Variants in AQP2 observed in about 807,000 individuals in gnomAD.
AQP2 encodes the protein aquaporin 2.
Under a neutral mutation model 21.6 loss-of-function variants are expected in AQP2, and 20 were observed. The observed-to-expected ratio is 0.92, with a 90% CI of 0.65 to 1.34. The LOEUF (loss-of-function observed/expected upper bound fraction) is 1.34. Ranked by LOEUF, AQP2 falls within the 40% of genes most tolerant of loss-of-function variation. AQP2 has a pLI of 0.00. For synonymous variants in AQP2, 168 were observed against 166.9 expected, an observed-to-expected ratio of 1.01 and a Z score of -0.05; for missense variants, 325 against 363.4, an observed-to-expected ratio of 0.89 and a Z score of 0.86.
chr12:49,958,832 C>T lies in AQP2; in HGVS notation c.*3224C>T, dbSNP rs1274908342. On this transcript the variant is annotated 3_prime_UTR_variant, in exon 4 of 4. Coordinates refer to ENST00000199280, the MANE Select transcript of AQP2 (RefSeq NM_000486.6). The stretch of plus-strand genomic sequence containing the variant: ...TGGCGTTCTCCTATCTACCTTCCTT[C>T]AACTGCTCTGCATATAATAAGCACT... 6.6e-6 allele frequency: 1 copy of T among 152,248 alleles called. No individual in the cohort carries two copies. The highest frequency in any genetic ancestry group is 2.4e-5 in the African/African-American group (1 of 41,454). The allele number at this position is 152,248 out of a possible 1,614,324, so 9.4% of individuals were successfully genotyped here.
chr12:49,954,098 G>A, intron 1 of AQP2, 57 bp from the exon 2 acceptor site: 3 of 1,594,122 alleles, frequency 1.9e-6, no homozygotes, highest in Non-Finnish European at 1.7e-6. Context: ...CAGGAAGATG[G>A]AGCCAGAGAG....
chr12:49,952,336 A>T (rs1033859469), intron 1 of AQP2, among the ~76,000 whole-genome samples: 1 of 151,948 alleles, frequency 6.6e-6, no homozygotes, highest in Non-Finnish European at 1.5e-5. Flanking sequence ...TCAAACTCCT[A>T]ACCTCAAGTG....
rs751967196 is a variant in AQP2 at position 49,955,518 on chromosome 12, G to C, written c.726G>C (p.Pro242=). 2.5e-6 allele frequency: 4 copies of C among 1,612,128 alleles called. No homozygotes were observed. In the South Asian group the frequency reaches 4.4e-5, roughly 18 times the overall value. The change falls in exon 4 of 4, where the codon CCG becomes CCC. Residue 242 remains proline, a synonymous_variant. Coordinates refer to ENST00000199280, the MANE Select transcript of AQP2 (RefSeq NM_000486.6). ...TGGCAGTGCTGAAGGGCCTGGAGCC[G>C]GACACCGATTGGGAGGAGCGCGAGG... ...ERLAVLKGLE[P]DTDWEEREVR...
Position 49,955,555 on chromosome 12 carries a change from C to A in AQP2, c.763C>A (p.Gln255Lys). 2 of 1,603,222 alleles carry A rather than the reference C, an allele frequency of 1.2e-6. No individual in the cohort carries two copies. The highest frequency in any genetic ancestry group is 2.2e-5 in the South Asian group (2 of 90,090). ...GGAGGAGCGCGAGGTGCGACGGCGG[C>A]AGTCGGTGGAGCTGCACTCGCCGCA... The part of the protein sequence containing the change: ...DWEEREVRRR[Q>K]SVELHSPQSL... Residue 255 changes from glutamine to lysine, a missense_variant, in exon 4 of 4, where the codon CAG (glutamine) becomes AAG (lysine). Physicochemically the swap from Gln to Lys is moderately conservative, Grantham distance 53. Transcript: ENST00000199280.
chr12:49,951,097 C>T lies in AQP2; in HGVS notation c.267C>T (p.Tyr89=), dbSNP rs778461530. The T allele has an allele frequency of 3.5e-5, 57 of 1,609,030 alleles. No homozygotes were observed. Among genetic ancestry groups the T allele is most frequent in the Middle Eastern group, 1.6e-4 (1 of 6,070 alleles). ...TCTCCGTTCTCCGAGCCGCCTTCTA[C>T]GTGGCTGCCCAGCTGCTGGGGGCTG... ...CHVSVLRAAF[Y]VAAQLLGAVA... Residue 89 remains tyrosine (Y), a synonymous_variant, in exon 1 of 4, where the codon TAC becomes TAT. Coordinates refer to ENST00000199280, the MANE Select transcript of AQP2 (RefSeq NM_000486.6).
chr12:49,954,828 C>A lies in AQP2; in HGVS notation c.606+118C>A. On this transcript the variant is annotated intron_variant, in intron 3 of 3. Transcript: ENST00000199280. ...GCGGTACCCCAAACCCTCCACACTC[C>A]TCCTGGTCCTGGGGAGCCTTGGGTT... 2.5e-6 allele frequency: 3 copies of A among 1,182,262 alleles called. No homozygotes were observed. In the South Asian group the frequency reaches 3.7e-5, roughly 15 times the overall value. The allele number at this position is 1,182,262 out of a possible 1,614,324, so 73.2% of individuals were successfully genotyped here. A position where few individuals can be genotyped will look rare whatever the true frequency, so the allele number is the denominator to read the frequency against.
chr12:49,952,250 G>A (rs1254103589), intron 1 of AQP2, among the ~76,000 whole-genome samples: 1 of 151,900 alleles, frequency 6.6e-6, no homozygotes, highest in Non-Finnish European at 1.5e-5. Context: ...CCTCCCATGG[G>A]ATTACACGCC....
intron 1 of AQP2, among the ~76,000 whole-genome samples, chr12:49,953,937 G>T (rs758921981): frequency 6.6e-6 from 1 of 152,120 alleles, no homozygotes; most frequent in African/African-American, 2.4e-5. Context: ...TACCTCTGGC[G>T]GGGGGACCAT....
In AQP2 at chr12:49,954,641, C is replaced by G; in HGVS notation, c.537C>G (p.Thr179=). The change falls in exon 3 of 4, where the codon ACC becomes ACG. Residue 179 remains threonine, a synonymous_variant. Transcript: ENST00000199280. ...TCCTCCCACTGCAGATCCATTACAC[C>G]GGCTGCTCTATGAATCCTGCCCGCT... ...ALGHLLGIHY[T]GCSMNPARSL... The G allele has an allele frequency of 6.2e-7, 1 of 1,614,192 alleles. No homozygotes were observed. Among genetic ancestry groups the G allele is most frequent in the Non-Finnish European group, 8.5e-7 (1 of 1,180,018 alleles).
Position 49,951,176 on chromosome 12 carries a change from C to A in AQP2, c.346C>A (p.Leu116Met). 3 of 1,605,382 alleles carry A rather than the reference C, an allele frequency of 1.9e-6. No homozygotes were observed. The highest frequency in any genetic ancestry group is 2.6e-6 in the Non-Finnish European group (3 of 1,175,578). Residue 116 changes from leucine (L) to methionine (M), a missense_variant, in exon 1 of 4, where the codon CTG becomes ATG. Transcript: ENST00000199280. ...CACGCCAGCAGACATCCGCGGGGACCTGGCTGTCAATGCTGTGAGTAGCCA... is the reference window on the plus strand; with the variant it reads ...CACGCCAGCAGACATCCGCGGGGACATGGCTGTCAATGCTGTGAGTAGCCA... ...EITPADIRGD[L>M]AVNALSNSTT... is the part of the protein sequence containing the mutation.
At position 49,957,208 on chromosome 12, in the gene AQP2, A is replaced by C. The variant is rs999848112; in HGVS notation, c.*1600A>C. 1 of 152,206 alleles carries C rather than the reference A, an allele frequency of 6.6e-6. No individual in the cohort carries two copies. The highest frequency in any genetic ancestry group is 6.5e-5 in the Admixed American group (1 of 15,278). The allele number at this position is 152,206 out of a possible 1,614,324, so 9.4% of individuals were successfully genotyped here. A position where few individuals can be genotyped will look rare whatever the true frequency, so the allele number is the denominator to read the frequency against. ...CAAAGGAGAGTCCTGGGAGCCCACA[A>C]GATCCAGGCAGAAGGAGATGGGTTT... On this transcript the variant is annotated 3_prime_UTR_variant, in exon 4 of 4. Transcript: ENST00000199280.
rs104894328 is a variant in AQP2, at chr12:49,954,663, C to T, written c.559C>T (p.Arg187Cys). ...HYTGCSMNPA[R>C]SLAPAVVTGK... ...CACCGGCTGCTCTATGAATCCTGCCCGCTCCCTGGCTCCAGCTGTCGTCAC... is the reference window on the plus strand; with the variant it reads ...CACCGGCTGCTCTATGAATCCTGCCTGCTCCCTGGCTCCAGCTGTCGTCAC... The change falls in exon 3 of 4, where the codon CGC becomes TGC. Residue 187 changes from arginine (R) to cysteine (C), a missense_variant. Coordinates refer to ENST00000199280, the MANE Select transcript of AQP2 (RefSeq NM_000486.6). 3.6e-5 allele frequency: 58 copies of T among 1,614,090 alleles called. No individual in the cohort carries two copies. The highest frequency in any genetic ancestry group is 5.3e-5 in the African/African-American group (4 of 74,922).
At chr12:49,951,354 G>C (rs1947328531) in intron 1 of AQP2, among the ~76,000 whole-genome samples, 164 bp downstream of exon 1, 1 of 152,160 alleles carries the variant, frequency 6.6e-6, no homozygotes, top group Non-Finnish European at 1.5e-5. Flanking sequence ...GGAGGGTCAG[G>C]ATGAAAGGAG....
chr12:49,954,005 G>A, intron 1 of AQP2, 150 bp from the exon 2 acceptor site: 1 of 1,117,310 alleles, frequency 9.0e-7, no homozygotes, highest in Non-Finnish European at 1.3e-6. Context: ...GAAGGGATCA[G>A]TCGTTGCAGC....
At position 49,955,919 on chromosome 12, in the gene AQP2, A is replaced by G. The variant is rs1462805439; in HGVS notation, c.*311A>G. On this transcript the variant is annotated 3_prime_UTR_variant, in exon 4 of 4. Coordinates refer to ENST00000199280, the MANE Select transcript of AQP2 (RefSeq NM_000486.6). ...GAGGCAGGTGGGTGGTAAGAGGGAA[A>G]CTCTGGAGAGCCTGCACCCAGGTAC... 4 of 559,066 alleles carry G rather than the reference A, an allele frequency of 7.2e-6. No individual in the cohort carries two copies. The highest frequency in any genetic ancestry group is 9.7e-6 in the Non-Finnish European group (3 of 308,460). The allele number at this position is 559,066 out of a possible 1,614,324, so 34.6% of individuals were successfully genotyped here.
intron 1 of AQP2, chr12:49,952,015 G>A (rs1207003643): frequency 1.3e-5 from 2 of 152,240 alleles, no homozygotes; most frequent in East Asian, 1.9e-4. Context: ...CTGGACAAGA[G>A]TCCTGATGTC....
At chr12:49,954,021 C>A in intron 1 of AQP2, 134 bp from the exon 2 acceptor site, 2 of 1,244,682 alleles carry the variant, frequency 1.6e-6, no homozygotes, top group South Asian at 2.4e-5. Context: ...GCAGCTAAGG[C>A]GTCTGGCAAG....
At chr12:49,955,000 A>G (rs949000848) in intron 3 of AQP2, among the ~76,000 whole-genome samples, 7 of 152,150 alleles carry the variant, frequency 4.6e-5, no homozygotes, top group Non-Finnish European at 8.8e-5. Flanking sequence ...AGAACTCTAT[A>G]AGTGGTAGTA....
intron 3 of AQP2, 117 bp downstream of exon 3, chr12:49,954,827 C>T: frequency 1.7e-6 from 2 of 1,181,168 alleles, no homozygotes; most frequent in Non-Finnish European, 2.5e-6. Context: ...CCTCCACACT[C>T]CTCCTGGTCC....
Sources: gnomAD v4.1 joint callset for allele counts (sites outside exome capture counted in the v4.1 genomes callset) on GRCh38, gnomAD v4.1.1 for gene constraint, MANE v1.5 for transcripts, NCBI Gene and HGNC (gene_info 2026-07-23, HGNC 2026-07-21) for gene names.